Variants in MTCL3 observed in about 807,000 individuals in gnomAD.
MTCL3 encodes microtubule cross-linking factor 3.
the MTCL3 span, chr6:127,483,062 T>C: frequency 1.7e-6 from 2 of 1,185,312 alleles, no homozygotes; most frequent in South Asian, 1.5e-5. Flanking sequence ...TATTCTAGTC[T>C]CAAACGACAA....
chr6:127,508,979 A>G, the MTCL3 span, among the ~76,000 whole-genome samples: 1 of 152,242 alleles, frequency 6.6e-6, no homozygotes, highest in Non-Finnish European at 1.5e-5. Flanking sequence ...TGACGTTCAA[A>G]GAGCTAGTTG....
chr6:127,498,718 A>G, the MTCL3 span, among the ~76,000 whole-genome samples: 5 of 152,228 alleles, frequency 3.3e-5, no homozygotes, highest in Non-Finnish European at 1.5e-5. Flanking sequence ...GTATATACAT[A>G]CAATTGAATA....
the MTCL3 span, among the ~76,000 whole-genome samples, chr6:127,499,375 G>T: frequency 3.3e-5 from 5 of 152,056 alleles, no homozygotes; most frequent in South Asian, 4.2e-4. Flanking sequence ...AACTGACATC[G>T]CAGAAAATTG....
the MTCL3 span, among the ~76,000 whole-genome samples, chr6:127,493,999 A>G: frequency 6.6e-6 from 1 of 152,328 alleles, no homozygotes; most frequent in Non-Finnish European, 1.5e-5. Context: ...CAGGCTACCA[A>G]TAAAAGAGGA....
the MTCL3 span, among the ~76,000 whole-genome samples, chr6:127,510,671 C>T: frequency 1.3e-5 from 2 of 152,172 alleles, no homozygotes; most frequent in African/African-American, 4.8e-5. Flanking sequence ...TTTGTTTGTA[C>T]TTGAATGTTT....
chr6:127,515,499 C>G, the MTCL3 span: 2 of 1,424,946 alleles, frequency 1.4e-6, no homozygotes, highest in Non-Finnish European at 1.8e-6. This position sits in a 1 kb window ranked among gnomAD's most constrained non-coding sequence, Gnocchi z 4.3. Context: ...AGCCGGGTCC[C>G]CCCACCCTCC....
chr6:127,516,753 A>G, the MTCL3 span: 7 of 1,422,100 alleles, frequency 4.9e-6, no homozygotes, highest in Non-Finnish European at 6.5e-6. Flanking sequence ...GAATTTTTGC[A>G]GAGCAAAGGG....
chr6:127,485,182 C>A, the MTCL3 span, among the ~76,000 whole-genome samples: 1 of 151,954 alleles, frequency 6.6e-6, no homozygotes, highest in African/African-American at 2.4e-5. Flanking sequence ...TAATCTAGGG[C>A]TAGAGATGGT....
At chr6:127,476,707 A>G in the MTCL3 span, among the ~76,000 whole-genome samples, 1 of 152,220 alleles carries the variant, frequency 6.6e-6, no homozygotes, top group Non-Finnish European at 1.5e-5. This position sits in a 1 kb window ranked among gnomAD's most constrained non-coding sequence, Gnocchi z 4.4. Context: ...AAAGAGAATA[A>G]CTGTGGCATC....
chr6:127,514,831 C>G, the MTCL3 span: 1 of 1,611,768 alleles, frequency 6.2e-7, no homozygotes. Flanking sequence ...ACCTTGAGGT[C>G]CTGCTCCAGG....
chr6:127,499,583 C>A, the MTCL3 span, among the ~76,000 whole-genome samples: 2 of 152,138 alleles, frequency 1.3e-5, no homozygotes, highest in Non-Finnish European at 2.9e-5. Flanking sequence ...TGTTAATTTT[C>A]AGAGTAAAAG....
chr6:127,488,586 C>G, the MTCL3 span, among the ~76,000 whole-genome samples: 1 of 152,000 alleles, frequency 6.6e-6, no homozygotes, highest in Non-Finnish European at 1.5e-5. Context: ...TACTAAAAGT[C>G]AATAAATGAT....
the MTCL3 span, chr6:127,514,749 A>C: frequency 8.0e-7 from 1 of 1,247,754 alleles, no homozygotes; most frequent in Non-Finnish European, 1.1e-6. Context: ...AAGACTTCTC[A>C]GCCTAAAGAG....
chr6:127,490,069 G>A, the MTCL3 span, among the ~76,000 whole-genome samples: 3 of 152,164 alleles, frequency 2.0e-5, no homozygotes, highest in Non-Finnish European at 2.9e-5. Flanking sequence ...ATTTTAAGTT[G>A]AAACCAATGC....
chr6:127,517,243 C>T, the MTCL3 span, among the ~76,000 whole-genome samples: 2 of 152,172 alleles, frequency 1.3e-5, no homozygotes, highest in Admixed American at 6.5e-5. Flanking sequence ...ATGACACTTT[C>T]CCCAGGCAGC....
At chr6:127,510,839 TC>T in the MTCL3 span, among the ~76,000 whole-genome samples, 1 of 152,180 alleles carries the variant, frequency 6.6e-6, no homozygotes, top group African/African-American at 2.4e-5. Context: ...CCTTCTACCC[TC>T]CCTGTCAAAT....
the MTCL3 span, among the ~76,000 whole-genome samples, chr6:127,504,399 T>TTA: frequency 1.3e-5 from 2 of 152,236 alleles, no homozygotes; most frequent in African/African-American, 4.8e-5. Flanking sequence ...CTTATACATA[T>TTA]TATATATATG....
the MTCL3 span, among the ~76,000 whole-genome samples, chr6:127,502,870 A>G: frequency 1.0e-3 from 156 of 152,330 alleles, no homozygotes; most frequent in African/African-American, 3.6e-3. Flanking sequence ...ACTTATCTGA[A>G]GTAACATAGC....
chr6:127,512,706 A>G, the MTCL3 span, among the ~76,000 whole-genome samples: 1 of 152,202 alleles, frequency 6.6e-6, no homozygotes, highest in Non-Finnish European at 1.5e-5. Context: ...TACCGTGTTT[A>G]GGTCAGAATC....
Sources: allele counts gnomAD v4.1 joint callset (sites outside exome capture counted in the v4.1 genomes callset), GRCh38; gene constraint gnomAD v4.1.1; non-coding constraint Gnocchi (gnomAD v3.1); transcripts MANE v1.5; gene names NCBI Gene and HGNC (gene_info 2026-07-23, HGNC 2026-07-21).